Variants in WWOX observed in about 807,000 individuals in gnomAD.
The protein encoded by WWOX is WW domain containing oxidoreductase.
WWOX carries 69 observed loss-of-function variants against 46.2 expected under a neutral mutation model. The observed-to-expected ratio is 1.49, with a 90% CI of 1.23 to 1.82. The LOEUF (loss-of-function observed/expected upper bound fraction) is 1.82, where lower values mean the gene tolerates loss of function less well. Ranked by LOEUF, WWOX falls within the 40% of genes most tolerant of loss-of-function variation. The pLI is 0.00. For synonymous variants in WWOX, 359 were observed against 202.6 expected, an observed-to-expected ratio of 1.77 and a Z score of -6.56; for missense variants, 919 against 542.6, an observed-to-expected ratio of 1.69 and a Z score of -6.89.
chr16:78,887,093 T>G (rs2044478807), intron 8 of WWOX, among the ~76,000 whole-genome samples: 1 of 42,718 alleles, frequency 2.3e-5, no homozygotes, highest in East Asian at 1.1e-3. Context: ...TGTGTGTGTG[T>G]GTGTGTGTGT....
At chr16:78,549,116 G>C (rs976952413) in intron 8 of WWOX, among the ~76,000 whole-genome samples, 1 of 152,142 alleles carries the variant, frequency 6.6e-6, no homozygotes, top group East Asian at 1.9e-4. Context: ...GTGTCACTGT[G>C]GTATTGAGAT....
At chr16:78,197,344 A>T (rs1042552147) in intron 5 of WWOX, among the ~76,000 whole-genome samples, 1 of 152,206 alleles carries the variant, frequency 6.6e-6, no homozygotes, top group East Asian at 1.9e-4. Context: ...CTCCTGGATG[A>T]TGCTGTAAAT....
intron 8 of WWOX, among the ~76,000 whole-genome samples, chr16:79,004,932 G>T (rs779783074): frequency 5.9e-5 from 9 of 152,138 alleles, no homozygotes; most frequent in African/African-American, 1.9e-4. Context: ...TGCATTTAGA[G>T]CTCCCCTCTT....
intron 8 of WWOX, among the ~76,000 whole-genome samples, chr16:78,802,938 A>G (rs1339637394): frequency 3.1e-5 from 3 of 97,786 alleles, no homozygotes; most frequent in African/African-American, 1.4e-4. Context: ...AAAAAAAAAA[A>G]AAAACAACAA....
chr16:78,304,697 T>A (rs963286005), intron 5 of WWOX, among the ~76,000 whole-genome samples: 5 of 152,238 alleles, frequency 3.3e-5, no homozygotes, highest in Admixed American at 2.0e-4. Context: ...TTGTATCCAT[T>A]ATTTTGCTAT....
At chr16:78,890,777 C>T (rs1406424774) in intron 8 of WWOX, 5 of 152,208 alleles carry the variant, frequency 3.3e-5, no homozygotes, top group African/African-American at 7.2e-5. Flanking sequence ...CAGCCTTAGC[C>T]TTGTTCAAGG....
At chr16:78,329,023 G>A (rs754380557) in intron 5 of WWOX, among the ~76,000 whole-genome samples, 1 of 151,920 alleles carries the variant, frequency 6.6e-6, no homozygotes, top group Non-Finnish European at 1.5e-5. Context: ...CACCATGACA[G>A]GCTGATTTTC....
chr16:78,810,869 T>C (rs2142704658), intron 8 of WWOX, among the ~76,000 whole-genome samples: 1 of 152,340 alleles, frequency 6.6e-6, no homozygotes, highest in East Asian at 1.9e-4. Context: ...CTCAGTCATT[T>C]TGTCATAATG....
chr16:78,362,734 T>C (rs2081438257), intron 5 of WWOX, among the ~76,000 whole-genome samples: 1 of 152,182 alleles, frequency 6.6e-6, no homozygotes, highest in Non-Finnish European at 1.5e-5. Context: ...AACCTAAAAA[T>C]AGTAGACACA....
chr16:78,406,346 A>T (rs1333079404), intron 6 of WWOX, among the ~76,000 whole-genome samples: 32 of 80,418 alleles, frequency 4.0e-4, no homozygotes, highest in African/African-American at 2.6e-3. Context: ...ATATATATAT[A>T]TATATATATT....
chr16:79,026,045 C>G (rs1222228304), intron 8 of WWOX, among the ~76,000 whole-genome samples: 2 of 151,552 alleles, frequency 1.3e-5, no homozygotes, highest in African/African-American at 4.9e-5. Flanking sequence ...AGGCGATCTG[C>G]CTGTCTTGGC....
chr16:78,642,621 C>T (rs569014698), intron 8 of WWOX, among the ~76,000 whole-genome samples: 3 of 152,188 alleles, frequency 2.0e-5, no homozygotes, highest in East Asian at 3.9e-4. Flanking sequence ...TCGTGGGCTA[C>T]TGCCAGCTGA....
chr16:79,119,257 A>G (rs2049579523), intron 8 of WWOX, among the ~76,000 whole-genome samples: 1 of 152,206 alleles, frequency 6.6e-6, no homozygotes, highest in Non-Finnish European at 1.5e-5. Flanking sequence ...GGTTGAAAGA[A>G]GCAAATTTGG....
intron 8 of WWOX, among the ~76,000 whole-genome samples, chr16:78,706,642 C>A (rs2048333787): frequency 6.6e-6 from 1 of 152,172 alleles, no homozygotes; most frequent in Non-Finnish European, 1.5e-5. Context: ...ATTATGGCAA[C>A]ATTGAAAACT....
At chr16:78,971,414 C>T (rs2046466018) in intron 8 of WWOX, among the ~76,000 whole-genome samples, 1 of 140,166 alleles carries the variant, frequency 7.1e-6, no homozygotes, top group African/African-American at 2.7e-5. Flanking sequence ...AAGGTCACGC[C>T]ACTGCTCTCC....
At chr16:78,619,735 T>C (rs1469458646) in intron 8 of WWOX, among the ~76,000 whole-genome samples, 1 of 151,158 alleles carries the variant, frequency 6.6e-6, no homozygotes, top group African/African-American at 2.5e-5. Context: ...TGAGACCCCA[T>C]CTGTATCCAA....
intron 8 of WWOX, among the ~76,000 whole-genome samples, chr16:78,823,190 T>G (rs2051552428): frequency 6.6e-6 from 1 of 152,194 alleles, no homozygotes; most frequent in African/African-American, 2.4e-5. Context: ...AATCTAATGG[T>G]GGAAACGGTC....
At chr16:78,462,655 C>G (rs572108850) in intron 8 of WWOX, among the ~76,000 whole-genome samples, 2 of 152,056 alleles carry the variant, frequency 1.3e-5, no homozygotes, top group Admixed American at 1.3e-4. Context: ...GATGAACTGC[C>G]AAGTAGGAGT....
intron 8 of WWOX, among the ~76,000 whole-genome samples, chr16:78,512,916 G>A (rs2085398053): frequency 6.6e-6 from 1 of 152,154 alleles, no homozygotes; most frequent in Admixed American, 6.5e-5. Flanking sequence ...TACTTTTCAG[G>A]CAGTCCCAGG....
Sources: gnomAD v4.1 joint callset for allele counts (sites outside exome capture counted in the v4.1 genomes callset) on GRCh38, gnomAD v4.1.1 for gene constraint, MANE v1.5 for transcripts, NCBI Gene and HGNC (gene_info 2026-07-23, HGNC 2026-07-21) for gene names.